AGTPBP1: variants seen among roughly 807,000 people sequenced by gnomAD.
The protein encoded by AGTPBP1 is cytosolic carboxypeptidase 1.
In AGTPBP1, 70 loss-of-function variants were observed where a neutral mutation model predicts 143.9. That is an observed-to-expected ratio of 0.49 (90% CI 0.40 to 0.59). The LOEUF (loss-of-function observed/expected upper bound fraction) is 0.59, where lower values mean the gene tolerates loss of function less well. Ranked by LOEUF, AGTPBP1 falls within the 20% of genes least tolerant of loss-of-function variation. The pLI is 0.00. For synonymous variants in AGTPBP1, 463 were observed against 500.2 expected, an observed-to-expected ratio of 0.93 and a Z score of 0.99; for missense variants, 1,229 against 1,464.5, an observed-to-expected ratio of 0.84 and a Z score of 2.62.
At chr9:85,577,911 C>T (rs1275800607) in intron 24 of AGTPBP1, among the ~76,000 whole-genome samples, 2 of 152,142 alleles carry the variant, frequency 1.3e-5, no homozygotes, top group Non-Finnish European at 2.9e-5. Flanking sequence ...ATTTTAAATG[C>T]TAACCAGTTA....
At chr9:85,647,615 G>C (rs1230011162) in intron 11 of AGTPBP1, among the ~76,000 whole-genome samples, 1 of 152,186 alleles carries the variant, frequency 6.6e-6, no homozygotes, top group African/African-American at 2.4e-5. Flanking sequence ...AACGAGAAAT[G>C]CAACAACTAA....
chr9:85,645,121 C>A (rs1029202902), intron 12 of AGTPBP1, among the ~76,000 whole-genome samples: 15 of 152,024 alleles, frequency 9.9e-5, no homozygotes, highest in Middle Eastern at 3.2e-3. Flanking sequence ...ACTTATACAA[C>A]CTGTATTTAC....
chr9:85,733,817 T>C (rs1025274545), intron 1 of AGTPBP1, among the ~76,000 whole-genome samples: 4 of 152,102 alleles, frequency 2.6e-5, no homozygotes, highest in Non-Finnish European at 4.4e-5. Flanking sequence ...AACAGAGTAC[T>C]GTGAACAACA....
intron 1 of AGTPBP1, among the ~76,000 whole-genome samples, chr9:85,713,847 T>G (rs1471222545): frequency 6.6e-6 from 1 of 152,238 alleles, no homozygotes; most frequent in Non-Finnish European, 1.5e-5. Context: ...TTGTAATTTT[T>G]TTTACTCTTT....
At chr9:85,772,253 T>C in the AGTPBP1 span, among the ~76,000 whole-genome samples, 1 of 151,624 alleles carries the variant, frequency 6.6e-6, no homozygotes, top group South Asian at 2.1e-4. Context: ...GGATTACAGG[T>C]GTGAGCCACC....
At chr9:85,660,407 T>C (rs1221331556) in intron 9 of AGTPBP1, among the ~76,000 whole-genome samples, 1 of 152,204 alleles carries the variant, frequency 6.6e-6, no homozygotes, top group Non-Finnish European at 1.5e-5. Context: ...AAGACATATC[T>C]ACTCCAATGC....
rs1347697487 is a variant in AGTPBP1 at position 85,547,233 on chromosome 9, T to C, written c.3557A>G (p.Asp1186Gly). ...EDEPRFLEEV[D>G]YSAESNDELD... ...CTCATCATTACTTTCTGCACTGTAA[T>C]CAACTTCTTCAAGGAATCGAGGTTC... Residue 1186 changes from aspartate to glycine, a missense_variant, in exon 26 of 26, where the codon GAT becomes GGT. Asp to Gly is a moderately conservative substitution (Grantham distance 94). Around this residue, in one of 2 missense-constraint regions of AGTPBP1, gnomAD observed 486 missense variants for 652.3 expected, o/e 0.75. Coordinates refer to ENST00000357081, the MANE Select transcript of AGTPBP1 (RefSeq NM_001330701.2). 3.7e-6 allele frequency: 6 copies of C among 1,613,284 alleles called. No individual in the cohort carries two copies. The highest frequency in any genetic ancestry group is 5.1e-6 in the Non-Finnish European group (6 of 1,179,752).
chr9:85,618,339 C>A (rs1440917371), intron 17 of AGTPBP1, among the ~76,000 whole-genome samples: 44 of 151,910 alleles, frequency 2.9e-4, no homozygotes, highest in Admixed American at 2.9e-3. Flanking sequence ...TAAGAATTAA[C>A]ACCAATGCTA....
chr9:85,708,436 C>G (rs555894083), intron 2 of AGTPBP1, among the ~76,000 whole-genome samples: 7 of 152,274 alleles, frequency 4.6e-5, no homozygotes, highest in Admixed American at 2.6e-4. Flanking sequence ...CATTATTCAG[C>G]CTACCATAGA....
the AGTPBP1 span, among the ~76,000 whole-genome samples, chr9:85,784,831 C>T: frequency 2.0e-5 from 3 of 152,294 alleles, no homozygotes; most frequent in African/African-American, 4.8e-5. Context: ...TCAGTGGCAA[C>T]GGTGTTCCAG....
At chr9:85,800,807 TTGTGTGTGTGTGTG>T in the AGTPBP1 span, among the ~76,000 whole-genome samples, 3 of 144,606 alleles carry the variant, frequency 2.1e-5, no homozygotes, top group Non-Finnish European at 4.6e-5. Context: ...TTTAGAATGG[TTGTGTGTGTGTGTG>T]TGTGTGTGTG....
intron 2 of AGTPBP1, among the ~76,000 whole-genome samples, chr9:85,700,302 A>G (rs1226563936): frequency 6.6e-6 from 1 of 152,202 alleles, no homozygotes; most frequent in Non-Finnish European, 1.5e-5. Context: ...TTACGTGTAC[A>G]GTGCAAGTCA....
the AGTPBP1 span, among the ~76,000 whole-genome samples, chr9:85,754,809 A>C: frequency 1.3e-5 from 2 of 152,128 alleles, no homozygotes; most frequent in African/African-American, 2.4e-5. Context: ...CCACCCAGAA[A>C]TGTCATCACC....
chr9:85,695,561 A>G (rs1318407679), intron 2 of AGTPBP1, among the ~76,000 whole-genome samples: 3 of 152,206 alleles, frequency 2.0e-5, no homozygotes, highest in Non-Finnish European at 4.4e-5. Context: ...AACTGTTCTA[A>G]TAGTCAGTGC....
intron 6 of AGTPBP1, among the ~76,000 whole-genome samples, chr9:85,673,819 G>T (rs78151552): frequency 0.013 from 1,991 of 152,020 alleles, 20 homozygotes; most frequent in Non-Finnish European, 0.021. Context: ...AAATAAAAAT[G>T]AATTTTAAAA....
chr9:85,565,071 C>G (rs1156629906), intron 25 of AGTPBP1, among the ~76,000 whole-genome samples: 1 of 152,164 alleles, frequency 6.6e-6, no homozygotes, highest in Non-Finnish European at 1.5e-5. Flanking sequence ...ATCTCCAGAA[C>G]TGTGAGACAT....
intron 8 of AGTPBP1, among the ~76,000 whole-genome samples, chr9:85,662,544 T>C (rs1833909113): frequency 6.6e-6 from 1 of 152,040 alleles, no homozygotes; most frequent in South Asian, 2.1e-4. Context: ...CAAAACTAAA[T>C]GAATATTCCA....
chr9:85,596,252 A>G, intron 18 of AGTPBP1, 110 bp downstream of exon 18: 1 of 717,374 alleles, frequency 1.4e-6, no homozygotes, highest in Non-Finnish European at 2.2e-6. Flanking sequence ...TAGCACCACA[A>G]TTCAAAGTAT....
upstream of AGTPBP1, among the ~76,000 whole-genome samples, chr9:85,745,910 G>A (rs907940942): frequency 3.3e-5 from 5 of 152,120 alleles, no homozygotes; most frequent in Admixed American, 6.5e-5. Context: ...CTGTAAGCTC[G>A]AGCTCCAGAC....
Sources: gnomAD v4.1 joint callset for allele counts (sites outside exome capture counted in the v4.1 genomes callset) on GRCh38, gnomAD v4.1.1 for gene constraint, gnomAD v4.1.1 regional missense constraint, MANE v1.5 for transcripts, NCBI Gene and HGNC (gene_info 2026-07-23, HGNC 2026-07-21) for gene names.